Variants in CYP27A1 observed in about 807,000 individuals in gnomAD.
CYP27A1 encodes the protein sterol 26-hydroxylase, mitochondrial.
A neutral mutation model predicts 58.2 loss-of-function variants in CYP27A1; 46 were observed. The observed-to-expected ratio is 0.79, with a 90% confidence interval of 0.62 to 1.01. CYP27A1 has a LOEUF of 1.01. Ranked by LOEUF, CYP27A1 falls within the 50% of genes least tolerant of loss-of-function variation. The pLI is 0.00. For synonymous variants in CYP27A1, 274 were observed against 285.1 expected (o/e 0.96, Z 0.39); for missense variants, 704 against 687.0 (o/e 1.02, Z -0.28).
intron 1 of CYP27A1, among the ~76,000 whole-genome samples, chr2:218,793,106 C>T (rs1943511776): frequency 1.3e-5 from 2 of 152,184 alleles, no homozygotes; most frequent in Non-Finnish European, 2.9e-5. Flanking sequence ...GACAAAGTCT[C>T]ACTCTGTCAC....
At position 218,812,314 on chromosome 2, in the gene CYP27A1, A is replaced by C. The variant is rs765148534; in HGVS notation, c.539A>C (p.Glu180Ala). 6.2e-7 allele frequency: 1 copy of C among 1,614,066 alleles called. No homozygotes were observed. Among genetic ancestry groups the C allele is most frequent in the African/African-American group, 1.3e-5 (1 of 74,916 alleles). The part of the protein sequence containing the change: ...EAALYTDAFN[E>A]VIDDFMTRLD... Reference sequence around the variant, plus strand: ...GCGCTCTATACGGATGCTTTCAATGAGGTGATTGATGACTTTATGACTCGA... The same window carrying C: ...GCGCTCTATACGGATGCTTTCAATGCGGTGATTGATGACTTTATGACTCGA... Residue 180 changes from glutamate to alanine, a missense_variant, in exon 3 of 9, where the codon GAG becomes GCG. Physicochemically the swap from Glu to Ala is moderately radical, Grantham distance 107. Coordinates refer to ENST00000258415, the MANE Select transcript of CYP27A1 (RefSeq NM_000784.4).
intron 5 of CYP27A1, among the ~76,000 whole-genome samples, 178 bp downstream of exon 5, chr2:218,813,274 G>A (rs570066489): frequency 6.6e-6 from 1 of 152,272 alleles, no homozygotes; most frequent in Admixed American, 6.5e-5. Context: ...GAGGTGGGAG[G>A]ACAGGGGATG....
intron 1 of CYP27A1, among the ~76,000 whole-genome samples, chr2:218,796,106 G>C (rs1308843968): frequency 6.6e-6 from 1 of 151,778 alleles, no homozygotes; most frequent in Non-Finnish European, 1.5e-5. Context: ...GGACTGTGTA[G>C]TCGAGGGTAT....
chr2:218,803,427 G>A (rs1943618092), intron 1 of CYP27A1, among the ~76,000 whole-genome samples: 1 of 152,028 alleles, frequency 6.6e-6, no homozygotes, highest in Admixed American at 6.6e-5. Context: ...AGGCACAAAA[G>A]TTTTAAATTT....
Position 218,815,083 on chromosome 2 carries a change from G to A in CYP27A1, c.*53G>A. The A allele has an allele frequency of 6.2e-7, 1 of 1,611,982 alleles. No homozygotes were observed. The highest frequency in any genetic ancestry group is 8.5e-7 in the Non-Finnish European group (1 of 1,178,654). ...TCCTAGAGGCTCCAGCTCTGGCACA[G>A]TGGTTCCTGGCTGCTGCCATGTCTC... On this transcript the variant is annotated 3_prime_UTR_variant, in exon 9 of 9. Coordinates refer to ENST00000258415, the MANE Select transcript of CYP27A1 (RefSeq NM_000784.4).
chr2:218,793,863 G>T (rs1234396858), intron 1 of CYP27A1, among the ~76,000 whole-genome samples: 1 of 151,864 alleles, frequency 6.6e-6, no homozygotes, highest in Non-Finnish European at 1.5e-5. Context: ...ATAGGTATGC[G>T]CCACCATGCT....
At position 218,809,697 on chromosome 2, in the gene CYP27A1, G is replaced by T; in HGVS notation, c.376G>T (p.Val126Leu). ...QVMRQEGKYP[V>L]RNDMELWKEH... is the part of the protein sequence containing the mutation. Reference sequence around the variant, plus strand: ...GATGCGGCAAGAGGGCAAGTACCCAGTACGGAACGACATGGAGCTATGGAA... The same window carrying T: ...GATGCGGCAAGAGGGCAAGTACCCATTACGGAACGACATGGAGCTATGGAA... Residue 126 changes from valine (V) to leucine (L), a missense_variant, in exon 2 of 9, where the codon GTA becomes TTA. Transcript: ENST00000258415. 6.2e-7 allele frequency: 1 copy of T among 1,614,186 alleles called. No homozygotes were observed. The highest frequency in any genetic ancestry group is 8.5e-7 in the Non-Finnish European group (1 of 1,180,032).
At position 218,782,159 on chromosome 2, in the gene CYP27A1, G is replaced by A. The variant is rs1325507600; in HGVS notation, c.-24G>A. On this transcript the variant is annotated 5_prime_UTR_variant, in exon 1 of 9. Coordinates refer to ENST00000258415, the MANE Select transcript of CYP27A1 (RefSeq NM_000784.4). The surrounding 1 kb of genome is among the most constrained non-coding windows in gnomAD (Gnocchi z 4.1). ...CCGGGGACTCAGCACTCGACCCAAA[G>A]GTGCAGGCGCGCGAGCACAACCCAT... 1 of 1,533,730 alleles carries A rather than the reference G, an allele frequency of 6.5e-7. No individual in the cohort carries two copies. Among genetic ancestry groups the A allele is most frequent in the Admixed American group, 2.0e-5 (1 of 50,914 alleles).
intron 1 of CYP27A1, among the ~76,000 whole-genome samples, chr2:218,784,074 A>G (rs1169634517): frequency 6.6e-6 from 1 of 152,112 alleles, no homozygotes; most frequent in Non-Finnish European, 1.5e-5. Flanking sequence ...GATCTGAGCC[A>G]CACTCCAGAG....
At chr2:218,806,720 A>G (rs901984388) in intron 1 of CYP27A1, among the ~76,000 whole-genome samples, 1 of 152,166 alleles carries the variant, frequency 6.6e-6, no homozygotes, top group South Asian at 2.1e-4. Flanking sequence ...CTTAATGATA[A>G]AGTGACCTTG....
Position 218,815,001 on chromosome 2 carries a change from G to A in CYP27A1, c.1567G>A (p.Gly523Ser), listed in dbSNP as rs1943774607. The A allele has an allele frequency of 6.2e-7, 1 of 1,614,172 alleles. No individual in the cohort carries two copies. The highest frequency in any genetic ancestry group is 1.3e-5 in the African/African-American group (1 of 75,042). The change falls in exon 9 of 9, where the codon GGC (glycine) becomes AGC (serine). Residue 523 changes from glycine to serine, a missense_variant. Gly to Ser is a moderately conservative substitution (Grantham distance 56, BLOSUM62 0). Coordinates refer to ENST00000258415, the MANE Select transcript of CYP27A1 (RefSeq NM_000784.4). ...RIVLVPNKKV[G>S]LQFLQRQC is the part of the protein sequence containing the mutation. ...TGTCCTGGTTCCCAATAAGAAAGTG[G>A]GCCTGCAGTTCCTGCAGAGACAGTG... is the stretch of plus-strand genomic sequence containing the variant.
Position 218,814,767 on chromosome 2 carries a change from G to A in CYP27A1, c.1476+10G>A, listed in dbSNP as rs1358508044. 2 of 1,614,062 alleles carry A rather than the reference G, an allele frequency of 1.2e-6. No homozygotes were observed. The highest frequency in any genetic ancestry group is 1.7e-6 in the Non-Finnish European group (2 of 1,180,008). ...GCTACTCCTCGCAAGGGTGAGCTGG[G>A]AGAGGCTAGTAGGGTGTGTGGGCAG... On this transcript the variant is annotated intron_variant, in intron 8 of 8. Coordinates refer to ENST00000258415, the MANE Select transcript of CYP27A1 (RefSeq NM_000784.4).
rs1559392542 is a variant in CYP27A1 at position 218,812,568 on chromosome 2, G to A, written c.663G>A (p.Leu221=). 1.2e-6 allele frequency: 2 copies of A among 1,614,218 alleles called. No individual in the cohort carries two copies. Among genetic ancestry groups the A allele is most frequent in the Non-Finnish European group, 1.7e-6 (2 of 1,180,050 alleles). ...YFALEAICYI[L]FEKRIGCLQR... is the part of the protein sequence containing the mutation. ...ACTACTCAGCTATTTGCTACATCCTGTTCGAGAAACGCATTGGCTGCCTGC... is the reference window on the plus strand; with the variant it reads ...ACTACTCAGCTATTTGCTACATCCTATTCGAGAAACGCATTGGCTGCCTGC... The change falls in exon 4 of 9, where the codon CTG becomes CTA. Residue 221 remains leucine, a synonymous_variant. Transcript: ENST00000258415.
At chr2:218,811,985 G>C (rs548348911) in intron 2 of CYP27A1, among the ~76,000 whole-genome samples, 1 of 152,128 alleles carries the variant, frequency 6.6e-6, no homozygotes, top group South Asian at 2.1e-4. Context: ...ACCCTAGACA[G>C]TCTGGTTCTA....
At position 218,812,712 on chromosome 2, in the gene CYP27A1, G is replaced by T; in HGVS notation, c.807G>T (p.Lys269Asn). Residue 269 changes from lysine (K) to asparagine (N), a missense_variant, in exon 4 of 9, where the codon AAG becomes AAT. Lys to Asn is a moderately conservative substitution (Grantham distance 94). Coordinates refer to ENST00000258415, the MANE Select transcript of CYP27A1 (RefSeq NM_000784.4). ...CTCGCCCCGTGCTGCCTTTCTGGAAGCGATACCTGGATGGTTGGAATGCCA... is the reference window on the plus strand; with the variant it reads ...CTCGCCCCGTGCTGCCTTTCTGGAATCGATACCTGGATGGTTGGAATGCCA... ...KWTRPVLPFW[K>N]RYLDGWNAIF... 1 of 1,614,214 alleles carries T rather than the reference G, an allele frequency of 6.2e-7. No individual in the cohort carries two copies.
At chr2:218,792,257 G>A (rs1943501013) in intron 1 of CYP27A1, among the ~76,000 whole-genome samples, 1 of 152,126 alleles carries the variant, frequency 6.6e-6, no homozygotes, top group African/African-American at 2.4e-5. Flanking sequence ...CTCCAATTTA[G>A]GTGCATAGCA....
At position 218,812,723 on chromosome 2, in the gene CYP27A1, A is replaced by G. The variant is rs1559392699; in HGVS notation, c.818A>G (p.Asp273Gly). The G allele has an allele frequency of 1.2e-6, 2 of 1,614,042 alleles. No homozygotes were observed. The highest frequency in any genetic ancestry group is 2.2e-5 in the East Asian group (1 of 44,868). The change falls in exon 4 of 9, where the codon GAT (aspartate) becomes GGT (glycine). Residue 273 changes from aspartate (D) to glycine (G), a missense_variant. Coordinates refer to ENST00000258415, the MANE Select transcript of CYP27A1 (RefSeq NM_000784.4). ...PVLPFWKRYLDGWNAIFSFGK... is the reference protein window; with the variant it reads ...PVLPFWKRYLGGWNAIFSFGK... ...CTGCCTTTCTGGAAGCGATACCTGG[A>G]TGGTTGGAATGCCATCTTTTCCTTT...
intron 2 of CYP27A1, 129 bp downstream of exon 2, chr2:218,809,896 G>A: frequency 1.2e-6 from 1 of 818,010 alleles, no homozygotes; most frequent in Non-Finnish European, 1.9e-6. Flanking sequence ...TGATGGTCTA[G>A]AGAGCAGTTG....
At chr2:218,786,019 A>G (rs909312020) in intron 1 of CYP27A1, among the ~76,000 whole-genome samples, 1 of 152,198 alleles carries the variant, frequency 6.6e-6, no homozygotes, top group African/African-American at 2.4e-5. Context: ...GTGTGATGGC[A>G]CAAACTTACA....
Sources: allele counts gnomAD v4.1 joint callset (sites outside exome capture counted in the v4.1 genomes callset), GRCh38; gene constraint gnomAD v4.1.1; non-coding constraint Gnocchi (gnomAD v3.1); transcripts MANE v1.5; gene names NCBI Gene and HGNC (gene_info 2026-07-23, HGNC 2026-07-21).